FGD4: variants seen among roughly 807,000 people sequenced by gnomAD.
The protein encoded by FGD4 is FYVE, RhoGEF and PH domain-containing protein 4.
FGD4 carries 42 observed loss-of-function variants against 102.0 expected under a neutral mutation model. The ratio of observed to expected loss-of-function variants is 0.41; its 90% confidence interval spans 0.32 to 0.53. The LOEUF (loss-of-function observed/expected upper bound fraction) is 0.53, where lower values mean the gene tolerates loss of function less well. Ranked by LOEUF, FGD4 falls within the 20% of genes least tolerant of loss-of-function variation. The probability of loss-of-function intolerance (pLI) is 0.21; values close to 1 mark genes in which losing one functional copy is unlikely to be tolerated. For missense variants in FGD4, 902 were observed against 1,078.2 expected (o/e 0.84, Z 2.29); for synonymous variants, 380 against 375.7 (o/e 1.01, Z -0.13).
At chr12:32,456,045 C>G (rs1434346112) in intron 1 of FGD4, among the ~76,000 whole-genome samples, 1 of 152,140 alleles carries the variant, frequency 6.6e-6, no homozygotes, top group Non-Finnish European at 1.5e-5. Flanking sequence ...TTGTGTAAAA[C>G]CCTGCAAGCA....
intron 1 of FGD4, among the ~76,000 whole-genome samples, chr12:32,409,219 T>C (rs987291144): frequency 1.3e-5 from 2 of 152,150 alleles, no homozygotes; most frequent in Non-Finnish European, 2.9e-5. Context: ...ATTTTTGGCC[T>C]ATTTCTCAAC....
intron 14 of FGD4, among the ~76,000 whole-genome samples, chr12:32,628,782 T>A (rs1950329659): frequency 6.7e-6 from 1 of 150,350 alleles, no homozygotes; most frequent in South Asian, 2.1e-4. Context: ...CAAGACCGTC[T>A]AAAAAAAAAA....
intron 7 of FGD4, among the ~76,000 whole-genome samples, chr12:32,603,492 G>A (rs1288452209): frequency 6.6e-6 from 1 of 151,632 alleles, no homozygotes; most frequent in Admixed American, 6.6e-5. Context: ...GGTTTACTTA[G>A]CCATTCTCCT....
chr12:32,561,078 T>TTTTTTG (rs1316490755), intron 1 of FGD4, among the ~76,000 whole-genome samples: 5 of 102,114 alleles, frequency 4.9e-5, no homozygotes, highest in Non-Finnish European at 7.8e-5. Flanking sequence ...GGGTTTTGTT[T>TTTTTTG]TTTTTTTTTT....
intron 2 of FGD4, among the ~76,000 whole-genome samples, chr12:32,570,255 A>AG (rs1314680322): frequency 1.3e-5 from 2 of 149,680 alleles, no homozygotes; most frequent in African/African-American, 5.0e-5. Context: ...AAAAAAAAAA[A>AG]AAAAAAAGAA....
chr12:32,567,488 C>G (rs1294754970), intron 2 of FGD4, among the ~76,000 whole-genome samples: 1 of 152,082 alleles, frequency 6.6e-6, no homozygotes, highest in Non-Finnish European at 1.5e-5. Context: ...TTGCTACTTG[C>G]AGCCAGTGAG....
intron 14 of FGD4, among the ~76,000 whole-genome samples, chr12:32,627,908 G>A (rs1357261907): frequency 6.6e-6 from 1 of 152,170 alleles, no homozygotes; most frequent in Non-Finnish European, 1.5e-5. Flanking sequence ...AAGAATTTCG[G>A]TAAGTTCAGA....
intron 1 of FGD4, among the ~76,000 whole-genome samples, chr12:32,477,651 T>C (rs1943616095): frequency 6.6e-6 from 1 of 152,152 alleles, no homozygotes. Flanking sequence ...TTTTTTAAAA[T>C]AAAGCTTGTC....
At position 32,540,579 on chromosome 12, in the gene FGD4, T is replaced by G. The variant is rs550451977; in HGVS notation, c.167-23558T>G. Among the ~76,000 whole-genome samples, 8 of 151,028 alleles carry G rather than the reference T, an allele frequency of 5.3e-5. 1 individual carries two copies. The highest frequency in any genetic ancestry group is 1.7e-4 in the African/African-American group (7 of 41,082). On this transcript the variant is annotated intron_variant, in intron 1 of 16. Coordinates refer to ENST00000534526, the MANE Select transcript of FGD4 (RefSeq NM_001370298.3). ...TTTCTTTCTTTTCTTTTTTTTTTTT[T>G]TGTGAGACAGAGTTTCACTCTTGTC...
intron 10 of FGD4, among the ~76,000 whole-genome samples, chr12:32,612,154 T>C (rs1949180950): frequency 6.6e-6 from 1 of 152,210 alleles, no homozygotes. Flanking sequence ...TGGCTTGGTG[T>C]GGGCCTGCAT....
intron 1 of FGD4, among the ~76,000 whole-genome samples, chr12:32,467,655 T>C (rs1460355117): frequency 2.0e-5 from 3 of 152,346 alleles, no homozygotes; most frequent in Non-Finnish European, 4.4e-5. Context: ...AATATAAATA[T>C]TTGATTTAAA....
intron 7 of FGD4, among the ~76,000 whole-genome samples, chr12:32,604,307 T>G (rs1948625251): frequency 6.6e-6 from 1 of 152,122 alleles, no homozygotes; most frequent in South Asian, 2.1e-4. Flanking sequence ...CCTTTTCACT[T>G]TCTCTTTTTT....
intron 15 of FGD4, among the ~76,000 whole-genome samples, 174 bp downstream of exon 15, chr12:32,633,863 T>C (rs1236620940): frequency 6.6e-6 from 1 of 152,208 alleles, no homozygotes; most frequent in Admixed American, 6.5e-5. Context: ...TTTGTATTTT[T>C]AGTAGGGATG....
chr12:32,596,946 A>AC (rs1555213614), intron 4 of FGD4, among the ~76,000 whole-genome samples: 27 of 151,886 alleles, frequency 1.8e-4, no homozygotes, highest in Non-Finnish European at 2.9e-4. Flanking sequence ...AAAAAAAAAA[A>AC]AAACAAAAAG....
chr12:32,432,650 A>G (rs1942092649), intron 1 of FGD4, among the ~76,000 whole-genome samples: 2 of 151,788 alleles, frequency 1.3e-5, no homozygotes, highest in African/African-American at 2.4e-5. Flanking sequence ...TTCATTTTAT[A>G]AAGTTGAGAG....
chr12:32,437,465 A>T (rs1942273180), intron 1 of FGD4, among the ~76,000 whole-genome samples: 1 of 152,162 alleles, frequency 6.6e-6, no homozygotes, highest in Non-Finnish European at 1.5e-5. Context: ...CCGCACCCAG[A>T]TGTGTTACTG....
chr12:32,416,359 G>T (rs1941411511), intron 1 of FGD4, among the ~76,000 whole-genome samples: 1 of 152,098 alleles, frequency 6.6e-6, no homozygotes, highest in Non-Finnish European at 1.5e-5. Context: ...ATTATTGGTA[G>T]GTAAGCACTA....
intron 14 of FGD4, among the ~76,000 whole-genome samples, chr12:32,629,211 GAAGA>G (rs1950353052): frequency 6.6e-6 from 1 of 152,194 alleles, no homozygotes; most frequent in Non-Finnish European, 1.5e-5. Flanking sequence ...TTGGTTCAAT[GAAGA>G]AAGAGTTGAG....
At chr12:32,606,578 G>A (rs1948797671) in intron 7 of FGD4, among the ~76,000 whole-genome samples, 1 of 150,870 alleles carries the variant, frequency 6.6e-6, no homozygotes, top group South Asian at 2.1e-4. Flanking sequence ...TCCCTAGTCT[G>A]TCTTTTTCTT....
Sources: gnomAD v4.1 joint callset for allele counts (sites outside exome capture counted in the v4.1 genomes callset) on GRCh38, gnomAD v4.1.1 for gene constraint, MANE v1.5 for transcripts, NCBI Gene and HGNC (gene_info 2026-07-23, HGNC 2026-07-21) for gene names.